The following TBCE variants were observed in gnomAD, a reference collection of about 807,000 sequenced individuals.
TBCE encodes the protein tubulin-specific chaperone E.
In TBCE, 53 loss-of-function variants were observed where a neutral mutation model predicts 77.0. That is an observed-to-expected ratio of 0.69 (90% CI 0.55 to 0.87). The LOEUF is 0.87. Ranked by LOEUF, TBCE falls within the 40% of genes least tolerant of loss-of-function variation. The pLI is 0.00. For missense variants in TBCE, 624 were observed against 622.4 expected (o/e 1.00, Z -0.03); for synonymous variants, 235 against 241.3 (o/e 0.97, Z 0.24).
chr1:235,406,583 G>A (rs1679443389), intron 3 of TBCE, among the ~76,000 whole-genome samples: 1 of 152,172 alleles, frequency 6.6e-6, no homozygotes, highest in South Asian at 2.1e-4. Context: ...CCAGGCTGGA[G>A]TGCAGTTGCA....
intron 4 of TBCE, among the ~76,000 whole-genome samples, chr1:235,418,056 A>G (rs1572397185): frequency 1.3e-5 from 2 of 152,314 alleles, no homozygotes; most frequent in Non-Finnish European, 2.9e-5. Context: ...TGCTGGGATT[A>G]CAGGCATAAG....
At chr1:235,388,283 C>CT (rs908940784) in intron 2 of TBCE, among the ~76,000 whole-genome samples, 1,557 of 117,288 alleles carry the variant, frequency 0.013, 15 homozygotes, top group East Asian at 0.021. Flanking sequence ...TCTGTTACTT[C>CT]TTTTTTTTTT....
intron 1 of TBCE, among the ~76,000 whole-genome samples, chr1:235,368,930 C>T (rs12742651): frequency 0.73 from 110,789 of 151,516 alleles, 41,850 homozygotes; most frequent in African/African-American, 0.93. Context: ...AAATATTTGT[C>T]TAGATGAAAA....
At chr1:235,443,220 G>T (rs1039075567) in intron 15 of TBCE, among the ~76,000 whole-genome samples, 2 of 150,860 alleles carry the variant, frequency 1.3e-5, no homozygotes, top group African/African-American at 4.9e-5. Flanking sequence ...AATTTTTTTT[G>T]AGACAGGGCC....
Position 235,388,836 on chromosome 1 carries a change from C to T in TBCE, c.100+8687C>T, listed in dbSNP as rs895734741. 2.0e-5 allele frequency among the ~76,000 whole-genome samples: 3 copies of T among 152,206 alleles called. No homozygotes were observed. In the East Asian group the frequency reaches 5.8e-4, roughly 29 times the overall value. ...AAGCAAGGTTGGGCAGAGGGCTAAG[C>T]TGGGCTATGGTACAGCCTCAACAAA... is the stretch of plus-strand genomic sequence containing the variant. On this transcript the variant is annotated intron_variant, in intron 2 of 16. Coordinates refer to ENST00000642610, the MANE Select transcript of TBCE (RefSeq NM_003193.5).
intron 2 of TBCE, among the ~76,000 whole-genome samples, chr1:235,383,767 G>A (rs1677828103): frequency 6.6e-6 from 1 of 152,168 alleles, no homozygotes; most frequent in East Asian, 1.9e-4. Flanking sequence ...TGCAAATAGG[G>A]ATAATTTGAC....
At chr1:235,386,378 A>T (rs1466709197) in intron 2 of TBCE, among the ~76,000 whole-genome samples, 3 of 152,146 alleles carry the variant, frequency 2.0e-5, no homozygotes, top group South Asian at 2.1e-4. Context: ...CTCCTGGATA[A>T]TATCCTGCAG....
chr1:235,438,775 C>T lies in TBCE; in HGVS notation c.1123C>T (p.Pro375Ser). The T allele has an allele frequency of 1.2e-6, 2 of 1,614,072 alleles. No individual in the cohort carries two copies. The highest frequency in any genetic ancestry group is 1.7e-6 in the Non-Finnish European group (2 of 1,180,046). Residue 375 changes from proline (P) to serine (S), a missense_variant, in exon 13 of 17, where the codon CCC becomes TCC. Pro to Ser is a moderately conservative substitution (Grantham distance 74). Coordinates refer to ENST00000642610, the MANE Select transcript of TBCE (RefSeq NM_003193.5). ...TTATGTCACATGAACATAGATTCTC[C>T]CCGAGGAGAGGCGGAGAGCTGAGCT... ...LKTLNKCEIL[P>S]EERRRAELDY...
intron 2 of TBCE, among the ~76,000 whole-genome samples, chr1:235,389,850 G>A (rs369541710): frequency 3.4e-4 from 52 of 152,230 alleles, no homozygotes; most frequent in African/African-American, 9.6e-4. Flanking sequence ...CAGACTGGGC[G>A]TGGTGGCTCA....
chr1:235,452,408 G>A lies in TBCE; in HGVS notation c.*3646G>A, dbSNP rs748203520. 6.6e-6 allele frequency: 1 copy of A among 152,076 alleles called. No individual in the cohort carries two copies. The highest frequency in any genetic ancestry group is 1.5e-5 in the Non-Finnish European group (1 of 68,036). The allele number at this position is 152,076 out of a possible 1,614,324, so 9.4% of individuals were successfully genotyped here. A position where few individuals can be genotyped will look rare whatever the true frequency, so the allele number is the denominator to read the frequency against. Reference sequence around the variant, plus strand: ...AATACTGTATGAGAAATAACCTAGTGGATTATTGTGAATTAAAGCAACAGC... The same window carrying A: ...AATACTGTATGAGAAATAACCTAGTAGATTATTGTGAATTAAAGCAACAGC... On this transcript the variant is annotated 3_prime_UTR_variant, in exon 17 of 17. Coordinates refer to ENST00000642610, the MANE Select transcript of TBCE (RefSeq NM_003193.5).
intron 3 of TBCE, among the ~76,000 whole-genome samples, chr1:235,412,778 AT>A (rs1272545020): frequency 1.3e-5 from 2 of 151,348 alleles, no homozygotes; most frequent in Admixed American, 1.3e-4. Context: ...TATCACAAAT[AT>A]TAGTTTTCAT....
intron 3 of TBCE, among the ~76,000 whole-genome samples, chr1:235,403,833 C>T (rs780779332): frequency 6.6e-6 from 1 of 152,136 alleles, no homozygotes; most frequent in Admixed American, 6.6e-5. Flanking sequence ...AACAAACCTG[C>T]GTGGTGTAGC....
intron 2 of TBCE, among the ~76,000 whole-genome samples, chr1:235,382,125 C>G (rs1207805190): frequency 6.6e-6 from 1 of 151,454 alleles, no homozygotes; most frequent in Non-Finnish European, 1.5e-5. Context: ...TCATCCATGT[C>G]CCTATAAAGG....
Position 235,450,409 on chromosome 1 carries a change from C to T in TBCE, c.*1647C>T, listed in dbSNP as rs778388930. On this transcript the variant is annotated 3_prime_UTR_variant, in exon 17 of 17. Transcript: ENST00000642610. ...TTTTAAGAGCATCAGAAAGTATGCACGTAGACAGCTTTTATGTATTCTAAT... is the reference window on the plus strand; with the variant it reads ...TTTTAAGAGCATCAGAAAGTATGCATGTAGACAGCTTTTATGTATTCTAAT... 120 of 1,525,510 alleles carry T rather than the reference C, an allele frequency of 7.9e-5. No individual in the cohort carries two copies. The highest frequency in any genetic ancestry group is 9.7e-5 in the Non-Finnish European group (107 of 1,107,474). 94.5% of individuals were successfully genotyped at this position (1,525,510 alleles called of 1,614,324 possible).
intron 3 of TBCE, among the ~76,000 whole-genome samples, chr1:235,409,079 T>C (rs138400605): frequency 7.8e-4 from 119 of 152,060 alleles, no homozygotes; most frequent in African/African-American, 2.7e-3. Context: ...AATGATTTGC[T>C]GTTTATCTGA....
In TBCE at chr1:235,430,696, T is replaced by C. The variant is rs775333803; in HGVS notation, c.561-9T>C. On this transcript the variant is annotated splice_polypyrimidine_tract_variant and intron_variant, in intron 6 of 16. Transcript: ENST00000642610. ...AAATAAGTACATTGTATCTTTTTTT[T>C]CTACACAGTGAAAATAAACTAAAAT... 1.3e-6 allele frequency: 2 copies of C among 1,599,842 alleles called. No individual in the cohort carries two copies. Among genetic ancestry groups the C allele is most frequent in the Non-Finnish European group, 1.7e-6 (2 of 1,168,648 alleles).
chr1:235,427,096 T>C (rs1162201228), intron 5 of TBCE, 44 bp from the exon 6 acceptor site: 2 of 1,370,620 alleles, frequency 1.5e-6, no homozygotes, highest in Non-Finnish European at 2.1e-6. Flanking sequence ...TTTATGTCTT[T>C]TGTGAATCTT....
chr1:235,426,336 T>C (rs1026497330), intron 5 of TBCE, among the ~76,000 whole-genome samples: 2 of 152,184 alleles, frequency 1.3e-5, no homozygotes, highest in Admixed American at 1.3e-4. Context: ...GCTTCCAGGC[T>C]ACCGGACACC....
intron 15 of TBCE, 155 bp downstream of exon 15, chr1:235,443,066 A>G: frequency 1.3e-6 from 1 of 751,700 alleles, no homozygotes; most frequent in East Asian, 2.8e-5. Flanking sequence ...ACAATCAATC[A>G]TGCTAATATC....
Sources: allele counts gnomAD v4.1 joint callset (sites outside exome capture counted in the v4.1 genomes callset), GRCh38; gene constraint gnomAD v4.1.1; transcripts MANE v1.5; gene names NCBI Gene and HGNC (gene_info 2026-07-23, HGNC 2026-07-21).